Variants in MSRA observed in about 807,000 individuals in gnomAD.
MSRA encodes the protein mitochondrial peptide methionine sulfoxide reductase.
MSRA carries 54 observed loss-of-function variants against 31.3 expected under a neutral mutation model. The observed-to-expected ratio is 1.73, with a 90% CI of 1.39 to 2.17. The LOEUF is 2.17. Ranked by LOEUF, MSRA falls within the 30% of genes most tolerant of loss-of-function variation. The pLI, the probability that MSRA is intolerant of heterozygous loss-of-function variation, is 0.00. For synonymous variants in MSRA, 169 were observed against 116.5 expected (o/e 1.45, Z -2.90); for missense variants, 507 against 300.9 (o/e 1.69, Z -5.07).
intron 4 of MSRA, among the ~76,000 whole-genome samples, chr8:10,308,233 C>T (rs956683415): frequency 5.9e-5 from 9 of 152,240 alleles, no homozygotes; most frequent in African/African-American, 1.9e-4. Context: ...TTGACTAACA[C>T]AGCCTTCAAC....
At chr8:10,352,709 A>G (rs2129159577) in intron 5 of MSRA, among the ~76,000 whole-genome samples, 1 of 152,232 alleles carries the variant, frequency 6.6e-6, no homozygotes, top group South Asian at 2.1e-4. Flanking sequence ...AGCAAAAGTG[A>G]TGAGTTTGTG....
At chr8:10,254,782 C>G (rs1435625608) in intron 3 of MSRA, among the ~76,000 whole-genome samples, 1 of 152,216 alleles carries the variant, frequency 6.6e-6, no homozygotes, top group Admixed American at 6.5e-5. Context: ...TTTCACATGT[C>G]TTTCGTGAGC....
intron 1 of MSRA, among the ~76,000 whole-genome samples, chr8:10,163,832 C>T (rs924503900): frequency 4.6e-5 from 7 of 152,224 alleles, no homozygotes; most frequent in African/African-American, 9.6e-5. Flanking sequence ...GTGTGGCAGA[C>T]GAGGGCACAG....
intron 5 of MSRA, among the ~76,000 whole-genome samples, chr8:10,369,415 C>A (rs373368614): frequency 1.3e-5 from 2 of 152,164 alleles, no homozygotes. Context: ...AAATCAAACA[C>A]TGAAATTTCA....
intron 1 of MSRA, among the ~76,000 whole-genome samples, chr8:10,057,188 C>T (rs773082763): frequency 6.6e-6 from 1 of 152,152 alleles, no homozygotes; most frequent in Non-Finnish European, 1.5e-5. Context: ...TGAACCTGCC[C>T]TGGACTGCCT....
At chr8:10,094,405 T>C (rs1213432170) in intron 1 of MSRA, among the ~76,000 whole-genome samples, 4 of 152,248 alleles carry the variant, frequency 2.6e-5, no homozygotes, top group Non-Finnish European at 4.4e-5. Context: ...ATGACACATT[T>C]GATTGGCGGA....
intron 1 of MSRA, among the ~76,000 whole-genome samples, chr8:10,062,800 ATGTGATAGGAGTGGATCG>A (rs993270925): frequency 4.6e-5 from 7 of 152,178 alleles, no homozygotes; most frequent in South Asian, 2.1e-4. Context: ...ATGAAAATGT[ATGTGATAGGAGTGGATCG>A]TGTGATAGGA....
chr8:10,271,587 A>C (rs918622900), intron 3 of MSRA, among the ~76,000 whole-genome samples: 1 of 152,290 alleles, frequency 6.6e-6, no homozygotes, highest in East Asian at 1.9e-4. Flanking sequence ...TTCAATTAAA[A>C]ATTGTTTTAT....
intron 1 of MSRA, among the ~76,000 whole-genome samples, chr8:10,099,803 G>A (rs994913840): frequency 2.6e-5 from 4 of 152,136 alleles, no homozygotes; most frequent in Non-Finnish European, 5.9e-5. Context: ...GCCTGGTGTG[G>A]GGTGGCCCTG....
intron 1 of MSRA, among the ~76,000 whole-genome samples, chr8:10,110,467 A>G (rs1435487332): frequency 2.0e-5 from 3 of 152,186 alleles, no homozygotes; most frequent in South Asian, 2.1e-4. Context: ...AGTGGGGTGC[A>G]TGATTTAAGT....
intron 1 of MSRA, among the ~76,000 whole-genome samples, chr8:10,081,814 G>C (rs1008248545): frequency 4.6e-5 from 7 of 152,264 alleles, no homozygotes; most frequent in Admixed American, 2.0e-4. Flanking sequence ...AGGAAATTGA[G>C]GGGGTACCCA....
chr8:10,245,357 A>C, intron 3 of MSRA, 134 bp downstream of exon 3: 1 of 789,656 alleles, frequency 1.3e-6, no homozygotes, highest in South Asian at 2.1e-5. Context: ...ATTTGTATAT[A>C]TATACTTGTG....
chr8:10,365,027 A>T (rs1805075653), intron 5 of MSRA, among the ~76,000 whole-genome samples: 1 of 151,166 alleles, frequency 6.6e-6, no homozygotes, highest in Non-Finnish European at 1.5e-5. Context: ...CTTTGTCCCC[A>T]CCTTTGAATA....
At chr8:10,120,595 C>G (rs1464460716) in intron 1 of MSRA, among the ~76,000 whole-genome samples, 1 of 152,194 alleles carries the variant, frequency 6.6e-6, no homozygotes, top group East Asian at 1.9e-4. Context: ...TGCTGAACAT[C>G]AAGAATTTCT....
At chr8:10,071,759 C>G (rs1421199769) in intron 1 of MSRA, among the ~76,000 whole-genome samples, 1 of 152,060 alleles carries the variant, frequency 6.6e-6, no homozygotes, top group Non-Finnish European at 1.5e-5. Flanking sequence ...GTGTTCAGTT[C>G]CAAGGGAAGG....
Position 10,270,035 on chromosome 8 carries a change from G to C in MSRA, c.331+24812G>C, listed in dbSNP as rs569236799. Among the ~76,000 whole-genome samples the C allele has an allele frequency of 2.0e-5, 3 of 152,332 alleles. No individual in the cohort carries two copies. In the East Asian group the frequency reaches 5.8e-4, roughly 29 times the overall value. On this transcript the variant is annotated intron_variant, in intron 3 of 5. Coordinates refer to ENST00000317173, the MANE Select transcript of MSRA (RefSeq NM_012331.5). The stretch of plus-strand genomic sequence containing the variant: ...TGTTATGAGTGTCAAAGAAGATAAT[G>C]TGCAATGGATAGCATGGTTTAAACA...
At chr8:10,359,885 C>A (rs997653114) in intron 5 of MSRA, among the ~76,000 whole-genome samples, 1 of 152,186 alleles carries the variant, frequency 6.6e-6, no homozygotes, top group Non-Finnish European at 1.5e-5. Context: ...AGCACTGTTC[C>A]ATCTTCTGTT....
At chr8:10,329,958 GA>G (rs1337302457) in intron 5 of MSRA, among the ~76,000 whole-genome samples, 1 of 149,940 alleles carries the variant, frequency 6.7e-6, no homozygotes, top group Non-Finnish European at 1.5e-5. Flanking sequence ...AATAACAGTA[GA>G]AAAAAATAAA....
In MSRA at chr8:10,117,909, C is replaced by G. The variant is rs546142926; in HGVS notation, c.142+63251C>G. Among the ~76,000 whole-genome samples the G allele has an allele frequency of 1.1e-4, 16 of 152,276 alleles. No homozygotes were observed. In the East Asian group the frequency reaches 1.2e-3, roughly 11 times the overall value. On this transcript the variant is annotated intron_variant, in intron 1 of 5. Transcript: ENST00000317173. ...CCCAACTTCCTTGCCCAAATCAACA[C>G]AAATGTAACCTTTCATCTTGATCAG... is the stretch of plus-strand genomic sequence containing the variant.
Sources: allele counts gnomAD v4.1 joint callset (sites outside exome capture counted in the v4.1 genomes callset), GRCh38; gene constraint gnomAD v4.1.1; transcripts MANE v1.5; gene names NCBI Gene and HGNC (gene_info 2026-07-23, HGNC 2026-07-21).